Variants in MAGI2 observed in about 807,000 individuals in gnomAD.
The protein encoded by MAGI2 is membrane associated guanylate kinase, WW and PDZ domain containing 2, also known as membrane-associated guanylate kinase, WW and PDZ domain-containing protein 2.
In MAGI2, 35 loss-of-function variants were observed where a neutral mutation model predicts 133.3. The observed-to-expected ratio is 0.26, with a 90% CI of 0.20 to 0.35. The LOEUF (loss-of-function observed/expected upper bound fraction) is 0.35, where lower values mean the gene tolerates loss of function less well. Ranked by LOEUF, MAGI2 falls within the 10% of genes least tolerant of loss-of-function variation. The pLI, the probability that MAGI2 is intolerant of heterozygous loss-of-function variation, is 1.00. For synonymous variants in MAGI2, 729 were observed against 710.6 expected, an observed-to-expected ratio of 1.03 and a Z score of -0.41; for missense variants, 1,636 against 1,863.4, an observed-to-expected ratio of 0.88 and a Z score of 2.25.
At chr7:78,934,165 A>G (rs1800344862) in intron 2 of MAGI2, among the ~76,000 whole-genome samples, 1 of 152,140 alleles carries the variant, frequency 6.6e-6, no homozygotes, top group Non-Finnish European at 1.5e-5. Context: ...GCAATGGTGC[A>G]ATCTCAGCTC....
intron 2 of MAGI2, among the ~76,000 whole-genome samples, chr7:78,826,162 C>T (rs1790612766): frequency 6.6e-6 from 1 of 151,774 alleles, no homozygotes; most frequent in Admixed American, 6.6e-5. Context: ...ACCATCCTGC[C>T]TAACACGGTG....
intron 1 of MAGI2, among the ~76,000 whole-genome samples, chr7:79,300,499 G>A (rs1837310491): frequency 6.6e-6 from 1 of 152,208 alleles, no homozygotes; most frequent in African/African-American, 2.4e-5. Context: ...AAGCTTTCAA[G>A]TTGTGACCTG....
intron 2 of MAGI2, among the ~76,000 whole-genome samples, chr7:78,784,048 A>G (rs759093431): frequency 1.7e-4 from 26 of 152,200 alleles, no homozygotes; most frequent in Non-Finnish European, 2.6e-4. Context: ...TTGCGTTGAC[A>G]TAGTGTATCA....
At chr7:78,333,653 G>A (rs1445053439) in intron 9 of MAGI2, among the ~76,000 whole-genome samples, 12 of 152,196 alleles carry the variant, frequency 7.9e-5, no homozygotes, top group African/African-American at 2.4e-5. Flanking sequence ...GCTCTCTCAA[G>A]CTACCCTAAG....
chr7:78,569,553 G>A (rs908156582), intron 3 of MAGI2, among the ~76,000 whole-genome samples: 8 of 151,678 alleles, frequency 5.3e-5, no homozygotes, highest in Admixed American at 1.3e-4. Context: ...TATCACTTGC[G>A]TTTAAGAAAA....
At chr7:79,274,814 T>C (rs1268347939) in intron 1 of MAGI2, among the ~76,000 whole-genome samples, 2 of 152,164 alleles carry the variant, frequency 1.3e-5, no homozygotes, top group African/African-American at 2.4e-5. Flanking sequence ...TTAGTAATTC[T>C]CACAATATTT....
chr7:79,256,486 C>CTTTTTTTTTTTTTTTTTTTTTTTTTTT (rs11303181), intron 1 of MAGI2, among the ~76,000 whole-genome samples: 1 of 82,774 alleles, frequency 1.2e-5, no homozygotes, highest in Non-Finnish European at 2.3e-5. Flanking sequence ...CTCTCTCTCT[C>CTTTTTTTTTTTTTTTTTTTTTTTTTTT]TTTTTTTTTT....
chr7:79,160,890 G>A (rs1173083343), intron 1 of MAGI2, among the ~76,000 whole-genome samples: 1 of 151,888 alleles, frequency 6.6e-6, no homozygotes, highest in Non-Finnish European at 1.5e-5. Flanking sequence ...TTTTACATTG[G>A]TGCCCCTTCC....
rs796691374 is a variant in MAGI2, at chr7:78,956,389, T to G, written c.418+50701A>C. 2.0e-5 allele frequency among the ~76,000 whole-genome samples: 3 copies of G among 152,198 alleles called. No homozygotes were observed. In the East Asian group the frequency reaches 5.8e-4, roughly 29 times the overall value. On this transcript the variant is annotated intron_variant, in intron 2 of 21. Transcript: ENST00000354212. Reference sequence around the variant, plus strand: ...TCTAAAGGGCATTATAGTCTCTGCATGCATATCTCATAGGACCTACACTAA... The same window carrying G: ...TCTAAAGGGCATTATAGTCTCTGCAGGCATATCTCATAGGACCTACACTAA...
chr7:78,169,170 T>C (rs1048666042), intron 14 of MAGI2, among the ~76,000 whole-genome samples: 1 of 152,254 alleles, frequency 6.6e-6, no homozygotes, highest in African/African-American at 2.4e-5. Context: ...TTAGTGTGCA[T>C]TAGCAGGGCT....
chr7:78,891,822 A>T (rs1796779991), intron 2 of MAGI2, among the ~76,000 whole-genome samples: 1 of 152,228 alleles, frequency 6.6e-6, no homozygotes, highest in Non-Finnish European at 1.5e-5. Flanking sequence ...CTTGCACAAG[A>T]CAGGGATGCC....
chr7:78,534,623 C>T (rs1051744656), intron 3 of MAGI2, among the ~76,000 whole-genome samples: 8 of 152,170 alleles, frequency 5.3e-5, no homozygotes, highest in Non-Finnish European at 1.0e-4. Flanking sequence ...ATTCACAAAT[C>T]CAAGAGCTAT....
intron 1 of MAGI2, among the ~76,000 whole-genome samples, chr7:79,427,021 C>A (rs927035122): frequency 6.6e-6 from 1 of 152,108 alleles, no homozygotes; most frequent in African/African-American, 2.4e-5. Flanking sequence ...TATTACAAAG[C>A]ACTAAACTAT....
intron 20 of MAGI2, among the ~76,000 whole-genome samples, chr7:78,105,776 T>C (rs1008567330): frequency 6.6e-6 from 1 of 152,180 alleles, no homozygotes; most frequent in African/African-American, 2.4e-5. Flanking sequence ...TGTGATGTTT[T>C]GATACAGGCA....
intron 21 of MAGI2, 197 bp downstream of exon 21, chr7:78,078,750 C>T (rs1423090567): frequency 4.7e-6 from 3 of 633,360 alleles, no homozygotes; most frequent in Non-Finnish European, 8.1e-6. Flanking sequence ...AGTTCACACA[C>T]ATTTATTTCC....
intron 6 of MAGI2, among the ~76,000 whole-genome samples, chr7:78,414,536 T>A (rs555123316): frequency 6.6e-6 from 1 of 152,002 alleles, no homozygotes. Context: ...CAAAATTCAA[T>A]AACTCCTAAT....
chr7:78,202,639 C>T (rs929356113), intron 10 of MAGI2, among the ~76,000 whole-genome samples: 6 of 143,020 alleles, frequency 4.2e-5, no homozygotes, highest in African/African-American at 1.3e-4. Context: ...GCCAAGATCC[C>T]GCCACTGTAC....
intron 6 of MAGI2, among the ~76,000 whole-genome samples, chr7:78,403,172 C>T (rs1363861879): frequency 4.6e-5 from 7 of 152,000 alleles, no homozygotes; most frequent in Non-Finnish European, 1.5e-5. Context: ...CATGACAGGC[C>T]CCAGTGTGTG....
Position 78,290,284 on chromosome 7 carries a change from A to G in MAGI2, c.1409-33703T>C, listed in dbSNP as rs187103751. 1.4e-4 allele frequency among the ~76,000 whole-genome samples: 22 copies of G among 152,360 alleles called. No individual in the cohort carries two copies. The East Asian group carries it at 4.0e-3, about 28-fold the overall frequency. Reference sequence around the variant, plus strand: ...TCTAACAAGCAAATGGAAAACAAAAAGAGCAGGGGTTTCAATCCTAGTCTC... The same window carrying G: ...TCTAACAAGCAAATGGAAAACAAAAGGAGCAGGGGTTTCAATCCTAGTCTC... On this transcript the variant is annotated intron_variant, in intron 9 of 21. Coordinates refer to ENST00000354212, the MANE Select transcript of MAGI2 (RefSeq NM_012301.4).
Sources: allele counts gnomAD v4.1 joint callset (sites outside exome capture counted in the v4.1 genomes callset), GRCh38; gene constraint gnomAD v4.1.1; transcripts MANE v1.5; gene names NCBI Gene and HGNC (gene_info 2026-07-23, HGNC 2026-07-21).